Variants in NHEJ1 observed in about 807,000 individuals in gnomAD.
The protein encoded by NHEJ1 is non-homologous end joining factor 1.
Under a neutral mutation model 39.4 loss-of-function variants are expected in NHEJ1, and 22 were observed. The ratio of observed to expected loss-of-function variants is 0.56; its 90% CI spans 0.40 to 0.80. The LOEUF (loss-of-function observed/expected upper bound fraction) is 0.80. NHEJ1 is among the 30% of genes least tolerant of loss of function. NHEJ1 has a pLI of 0.00. For missense variants in NHEJ1, 329 were observed against 357.1 expected (o/e 0.92, Z 0.63); for synonymous variants, 154 against 135.6 (o/e 1.14, Z -0.94).
intron 5 of NHEJ1, among the ~76,000 whole-genome samples, chr2:219,121,987 G>A (rs1017884549): frequency 4.1e-4 from 62 of 151,906 alleles, no homozygotes; most frequent in African/African-American, 1.4e-3. Context: ...GAACTATATC[G>A]CAACTGGGAG....
chr2:219,138,738 T>C (rs1949661851), intron 5 of NHEJ1, among the ~76,000 whole-genome samples: 1 of 152,116 alleles, frequency 6.6e-6, no homozygotes, highest in African/African-American at 2.4e-5. Context: ...AAGTAGAGGA[T>C]GGTAAGATGA....
chr2:219,108,805 C>A (rs1229999735), intron 5 of NHEJ1, among the ~76,000 whole-genome samples: 1 of 151,528 alleles, frequency 6.6e-6, no homozygotes, highest in Non-Finnish European at 1.5e-5. Context: ...GTGAAGTTAT[C>A]CTGGGTGGAA....
chr2:219,151,231 T>C (rs547303650), intron 3 of NHEJ1, among the ~76,000 whole-genome samples: 25 of 151,898 alleles, frequency 1.6e-4, no homozygotes, highest in African/African-American at 4.3e-4. Context: ...ATGAGTTGAA[T>C]TGAAATAATT....
chr2:219,120,889 A>G (rs978078968), intron 5 of NHEJ1, among the ~76,000 whole-genome samples: 1 of 152,112 alleles, frequency 6.6e-6, no homozygotes, highest in African/African-American at 2.4e-5. Flanking sequence ...TATACTGATC[A>G]TTATGTAAAG....
At chr2:219,082,185 C>T (rs1949073404) in intron 5 of NHEJ1, among the ~76,000 whole-genome samples, 1 of 152,180 alleles carries the variant, frequency 6.6e-6, no homozygotes, top group Non-Finnish European at 1.5e-5. Context: ...ATTTTTTCAA[C>T]AGCCACAAGA....
chr2:219,156,243 C>T (rs1012400528), intron 3 of NHEJ1, among the ~76,000 whole-genome samples: 1 of 151,812 alleles, frequency 6.6e-6, no homozygotes, highest in South Asian at 2.1e-4. Flanking sequence ...AGTGAAACTC[C>T]GTCTCAAAAA....
chr2:219,099,543 A>C (rs1004934136), intron 5 of NHEJ1, among the ~76,000 whole-genome samples: 3 of 152,210 alleles, frequency 2.0e-5, no homozygotes, highest in Non-Finnish European at 4.4e-5. Flanking sequence ...GGAATTACTC[A>C]GAGTCAGTGC....
chr2:219,138,970 A>C lies in NHEJ1; in HGVS notation c.588+7710T>G, dbSNP rs1357457596. On this transcript the variant is annotated intron_variant, in intron 5 of 7. Transcript: ENST00000356853. Reference sequence around the variant, plus strand: ...TTCCACTTAAGTGTGACCCAGACTTAGTGACTCATTTCTAATAAAAAGAAT... The same window carrying C: ...TTCCACTTAAGTGTGACCCAGACTTCGTGACTCATTTCTAATAAAAAGAAT... 6.6e-5 allele frequency among the ~76,000 whole-genome samples: 10 copies of C among 152,368 alleles called. No individual in the cohort carries two copies. In the East Asian group the frequency reaches 1.9e-3, roughly 29 times the overall value.
At chr2:219,137,184 C>T (rs1353537278) in intron 5 of NHEJ1, among the ~76,000 whole-genome samples, 1 of 151,878 alleles carries the variant, frequency 6.6e-6, no homozygotes, top group Non-Finnish European at 1.5e-5. Context: ...GAGAAACATG[C>T]ACAGCCATAC....
chr2:219,154,786 T>C (rs1371714970), intron 3 of NHEJ1, among the ~76,000 whole-genome samples: 2 of 151,174 alleles, frequency 1.3e-5, no homozygotes, highest in Non-Finnish European at 2.9e-5. Context: ...GTCTCTTTCC[T>C]TTAATGTAGT....
At chr2:219,080,589 A>ATATATATGCTAATATATATAAGCT (rs1949054470) in intron 5 of NHEJ1, among the ~76,000 whole-genome samples, 1 of 65,490 alleles carries the variant, frequency 1.5e-5, no homozygotes, top group African/African-American at 4.4e-5. Context: ...ATATACGCTT[A>ATATATATGCTAATATATATAAGCT]TATATATATG....
chr2:219,123,112 A>G (rs990378304), intron 5 of NHEJ1, among the ~76,000 whole-genome samples: 2 of 152,206 alleles, frequency 1.3e-5, no homozygotes, highest in African/African-American at 4.8e-5. Flanking sequence ...CTCAATTCAG[A>G]AAAACACTGG....
chr2:219,083,173 A>G (rs1949081419), intron 5 of NHEJ1, among the ~76,000 whole-genome samples: 1 of 152,212 alleles, frequency 6.6e-6, no homozygotes, highest in Non-Finnish European at 1.5e-5. Flanking sequence ...ATTCCCTGCC[A>G]TCTTGAAGTT....
chr2:219,079,986 C>T (rs1186846018), intron 5 of NHEJ1, among the ~76,000 whole-genome samples: 2 of 152,230 alleles, frequency 1.3e-5, no homozygotes, highest in African/African-American at 2.4e-5. Context: ...TCATTTCCTC[C>T]TGCCCTTTCC....
In NHEJ1 at chr2:219,084,185, T is replaced by G. The variant is rs1949091909; in HGVS notation, c.589-5979A>C. 2.6e-5 allele frequency among the ~76,000 whole-genome samples: 4 copies of G among 151,970 alleles called. No homozygotes were observed. In the South Asian group the frequency reaches 8.3e-4, roughly 32 times the overall value. On this transcript the variant is annotated intron_variant, in intron 5 of 7. Transcript: ENST00000356853. ...CCACGCCTGGCTAATTTTTGTATTT[T>G]TAGTAGAGATGGGGCTGCACCATGT...
At chr2:219,135,512 G>T (rs1354713299) in intron 5 of NHEJ1, among the ~76,000 whole-genome samples, 3 of 152,190 alleles carry the variant, frequency 2.0e-5, no homozygotes, top group Admixed American at 6.5e-5. Context: ...AGGAGGCTGA[G>T]GCAGGAGAAT....
At chr2:219,080,668 T>TATATATATGATAATATATATAAGC (rs1559185964) in intron 5 of NHEJ1, among the ~76,000 whole-genome samples, 1 of 16,340 alleles carries the variant, frequency 6.1e-5, no homozygotes, top group Non-Finnish European at 2.0e-4. Context: ...TATATAAGCT[T>TATATATATGATAATATATATAAGC]TTATATATGC....
chr2:219,074,358 C>G lies in NHEJ1; in HGVS notation c.*2023G>C, dbSNP rs1455587772. 6.6e-6 allele frequency among the ~76,000 whole-genome samples: 1 copy of G among 152,144 alleles called. No homozygotes were observed. Among genetic ancestry groups the G allele is most frequent in the Admixed American group, 6.5e-5 (1 of 15,274 alleles). ...ACAGGGAATGCCCAGGGTGAAGAAC[C>G]GGTATTTTCTCCAAGCTTGCAGGGG... On this transcript the variant is annotated 3_prime_UTR_variant, in exon 8 of 8. Coordinates refer to ENST00000356853, the MANE Select transcript of NHEJ1 (RefSeq NM_024782.3).
At chr2:219,153,797 T>C (rs539928806) in intron 3 of NHEJ1, among the ~76,000 whole-genome samples, 3 of 152,182 alleles carry the variant, frequency 2.0e-5, no homozygotes, top group African/African-American at 7.2e-5. Context: ...ATTAGCTTGT[T>C]AATGTGAGTA....
Sources: gnomAD v4.1 joint callset for allele counts (sites outside exome capture counted in the v4.1 genomes callset) on GRCh38, gnomAD v4.1.1 for gene constraint, MANE v1.5 for transcripts, NCBI Gene and HGNC (gene_info 2026-07-23, HGNC 2026-07-21) for gene names.